Variants in SSH2 observed in about 807,000 individuals in gnomAD.
SSH2 encodes the protein slingshot protein phosphatase 2.
A neutral mutation model predicts 135.2 loss-of-function variants in SSH2; 37 were observed. The observed-to-expected ratio is 0.27, with a 90% CI of 0.21 to 0.36. The LOEUF (loss-of-function observed/expected upper bound fraction) is 0.36. SSH2 is among the 10% of genes least tolerant of loss of function. The pLI is 1.00. For synonymous variants in SSH2, 628 were observed against 646.2 expected, an observed-to-expected ratio of 0.97 and a Z score of 0.43; for missense variants, 1,408 against 1,765.3, an observed-to-expected ratio of 0.80 and a Z score of 3.63.
chr17:29,683,306 A>G (rs1448439670), intron 6 of SSH2, among the ~76,000 whole-genome samples: 1 of 152,172 alleles, frequency 6.6e-6, no homozygotes, highest in Non-Finnish European at 1.5e-5. Flanking sequence ...GAAAAATAAA[A>G]AAGGAAAGCA....
At chr17:29,855,444 G>C (rs890342120) in intron 1 of SSH2, among the ~76,000 whole-genome samples, 2 of 152,170 alleles carry the variant, frequency 1.3e-5, no homozygotes, top group Non-Finnish European at 2.9e-5. Flanking sequence ...AGTTGAGGCT[G>C]CAGTGAGCCG....
At chr17:29,819,561 A>G (rs1319011559) in intron 2 of SSH2, among the ~76,000 whole-genome samples, 1 of 152,204 alleles carries the variant, frequency 6.6e-6, no homozygotes, top group Non-Finnish European at 1.5e-5. Flanking sequence ...GTTTCGTTCT[A>G]TATTTTCTGC....
intron 1 of SSH2, among the ~76,000 whole-genome samples, chr17:29,899,975 C>T (rs2066516688): frequency 6.6e-6 from 1 of 152,050 alleles, no homozygotes; most frequent in African/African-American, 2.4e-5. Context: ...AGAAATAATG[C>T]CACATATCTA....
At chr17:29,832,425 T>C (rs768763635) in intron 2 of SSH2, among the ~76,000 whole-genome samples, 1 of 151,906 alleles carries the variant, frequency 6.6e-6, no homozygotes, top group Non-Finnish European at 1.5e-5. Flanking sequence ...AGCCTGGCCC[T>C]GTTTTTCCTT....
chr17:29,693,378 C>A (rs1369477305), intron 5 of SSH2, among the ~76,000 whole-genome samples: 2 of 151,970 alleles, frequency 1.3e-5, no homozygotes, highest in Admixed American at 6.6e-5. Flanking sequence ...ATGGCACAAT[C>A]TCGGCTCACT....
chr17:29,632,373 T>C lies in SSH2; in HGVS notation c.2821A>G (p.Ser941Gly). Residue 941 changes from serine to glycine, a missense_variant, in exon 16 of 16, where the codon AGT (serine) becomes GGT (glycine). Physicochemically the swap from Ser to Gly is moderately conservative, Grantham distance 56 (BLOSUM62 0). Transcript: ENST00000540801. ...SVADLAPKGK[S>G]DEAPPEHSFV... ...GAATGTTCTGGGGGGGCTTCATCAC[T>C]TTTCCCTTTTGGTGCTAGGTCTGCC... The C allele has an allele frequency of 1.2e-6, 2 of 1,613,960 alleles. No individual in the cohort carries two copies. Among genetic ancestry groups the C allele is most frequent in the Non-Finnish European group, 1.7e-6 (2 of 1,179,838 alleles).
At chr17:29,772,242 A>C (rs753987837) in intron 3 of SSH2, among the ~76,000 whole-genome samples, 17 of 150,806 alleles carry the variant, frequency 1.1e-4, no homozygotes, top group African/African-American at 3.9e-4. Context: ...AACTAAAATC[A>C]GGTCTTTTTT....
chr17:29,635,548 GCGC>G (rs3029568), intron 15 of SSH2, among the ~76,000 whole-genome samples: 84,456 of 150,950 alleles, frequency 0.56, 25,837 homozygotes, highest in African/African-American at 0.82. Context: ...GGGACTACAG[GCGC>G]CGCCCGCCAC....
At chr17:29,792,201 C>A (rs1034983962) in intron 3 of SSH2, among the ~76,000 whole-genome samples, 1 of 151,948 alleles carries the variant, frequency 6.6e-6, no homozygotes, top group Non-Finnish European at 1.5e-5. Flanking sequence ...CCGCGCCTGG[C>A]CTTTATAGTT....
chr17:29,781,172 A>T (rs566400037), intron 3 of SSH2, among the ~76,000 whole-genome samples: 54 of 152,324 alleles, frequency 3.5e-4, no homozygotes, highest in African/African-American at 1.2e-3. Context: ...TATAGTCTTT[A>T]ACTAGAACAT....
At chr17:29,913,347 A>ATATATATATATATAT (rs1429739888) in intron 1 of SSH2, among the ~76,000 whole-genome samples, 1 of 28,778 alleles carries the variant, frequency 3.5e-5, no homozygotes, top group Non-Finnish European at 5.9e-5. Flanking sequence ...AAAAAAAAAA[A>ATATATATATATATAT]ATATATATAT....
intron 3 of SSH2, among the ~76,000 whole-genome samples, chr17:29,748,077 C>T (rs912360391): frequency 2.0e-5 from 3 of 152,182 alleles, no homozygotes; most frequent in Admixed American, 6.5e-5. Context: ...TTGACTTGAG[C>T]ACATCACTAC....
At chr17:29,775,057 A>T (rs1364097414) in intron 3 of SSH2, among the ~76,000 whole-genome samples, 2 of 152,188 alleles carry the variant, frequency 1.3e-5, no homozygotes, top group Non-Finnish European at 2.9e-5. Context: ...TTATGAAATA[A>T]AAACCAAATA....
Position 29,806,139 on chromosome 17 carries a change from A to G in SSH2, c.145-12202T>C, listed in dbSNP as rs553894799. Among the ~76,000 whole-genome samples the G allele has an allele frequency of 4.6e-5, 7 of 152,358 alleles. No individual in the cohort carries two copies. In the South Asian group the frequency reaches 1.4e-3, roughly 32 times the overall value. On this transcript the variant is annotated intron_variant, in intron 2 of 15. Coordinates refer to ENST00000540801, the MANE Select transcript of SSH2 (RefSeq NM_001282129.2). ...ATGGGGCAGACAGCATGCGGCACCCATCATAAGATAGTAAGAAGACTCTGC... is the reference window on the plus strand; with the variant it reads ...ATGGGGCAGACAGCATGCGGCACCCGTCATAAGATAGTAAGAAGACTCTGC...
intron 2 of SSH2, among the ~76,000 whole-genome samples, chr17:29,848,508 A>G (rs529783120): frequency 2.0e-5 from 3 of 152,264 alleles, no homozygotes; most frequent in East Asian, 1.9e-4. Flanking sequence ...AATACTATTG[A>G]CCATTAAAAA....
At chr17:29,767,804 C>G (rs781276254) in intron 3 of SSH2, among the ~76,000 whole-genome samples, 1 of 151,890 alleles carries the variant, frequency 6.6e-6, no homozygotes, top group Non-Finnish European at 1.5e-5. Flanking sequence ...TAGTCCTTTA[C>G]TTATGGGCAT....
intron 5 of SSH2, among the ~76,000 whole-genome samples, chr17:29,691,418 A>G (rs1294977142): frequency 6.6e-6 from 1 of 152,182 alleles, no homozygotes; most frequent in East Asian, 1.9e-4. Context: ...TCTAAGTACT[A>G]CAGTTAATGC....
intron 3 of SSH2, among the ~76,000 whole-genome samples, chr17:29,720,853 A>G (rs2039799130): frequency 6.6e-6 from 1 of 152,248 alleles, no homozygotes; most frequent in African/African-American, 2.4e-5. Context: ...GAAAGCAAGT[A>G]GAAGTCACTG....
At chr17:29,749,156 A>G (rs548449171) in intron 3 of SSH2, among the ~76,000 whole-genome samples, 1 of 152,332 alleles carries the variant, frequency 6.6e-6, no homozygotes, top group South Asian at 2.1e-4. Flanking sequence ...TACACCACAC[A>G]GTATACTCAT....
Sources: gnomAD v4.1 joint callset for allele counts (sites outside exome capture counted in the v4.1 genomes callset) on GRCh38, gnomAD v4.1.1 for gene constraint, MANE v1.5 for transcripts, NCBI Gene and HGNC (gene_info 2026-07-23, HGNC 2026-07-21) for gene names.